CDH12: variants seen among roughly 807,000 people sequenced by gnomAD.
CDH12 encodes the protein cadherin-12.
In CDH12, 41 loss-of-function variants were observed where a neutral mutation model predicts 74.1. The observed-to-expected ratio is 0.55, with a 90% CI of 0.43 to 0.72. The LOEUF (loss-of-function observed/expected upper bound fraction) is 0.72. Ranked by LOEUF, CDH12 falls within the 30% of genes least tolerant of loss-of-function variation. The probability of loss-of-function intolerance (pLI) is 0.00; values close to 1 mark genes in which losing one functional copy is unlikely to be tolerated. For missense variants in CDH12, 945 were observed against 977.2 expected, an observed-to-expected ratio of 0.97 and a Z score of 0.44; for synonymous variants, 399 against 355.0, an observed-to-expected ratio of 1.12 and a Z score of -1.39.
chr5:22,273,348 C>T (rs1305842483), intron 3 of CDH12, among the ~76,000 whole-genome samples: 4 of 152,166 alleles, frequency 2.6e-5, no homozygotes, highest in Non-Finnish European at 5.9e-5. Flanking sequence ...GATAGGCCTG[C>T]TCAATGCAAG....
intron 6 of CDH12, among the ~76,000 whole-genome samples, chr5:21,906,375 C>T (rs1753643037): frequency 6.6e-6 from 1 of 152,042 alleles, no homozygotes; most frequent in Non-Finnish European, 1.5e-5. Context: ...TTGACACATA[C>T]TTTAGAATAT....
intron 5 of CDH12, among the ~76,000 whole-genome samples, chr5:22,014,127 TGAA>T (rs1269150828): frequency 2.0e-5 from 3 of 152,148 alleles, no homozygotes; most frequent in Non-Finnish European, 4.4e-5. Flanking sequence ...CTTGGGAGGC[TGAA>T]GAAGAAGAAT....
intron 1 of CDH12, among the ~76,000 whole-genome samples, chr5:22,749,382 T>G (rs1217672744): frequency 6.6e-6 from 1 of 152,232 alleles, no homozygotes; most frequent in East Asian, 1.9e-4. Context: ...CAACATTTTA[T>G]GTTTTGATGA....
chr5:22,140,046 C>G (rs1277293811), intron 4 of CDH12, among the ~76,000 whole-genome samples: 1 of 152,058 alleles, frequency 6.6e-6, no homozygotes, highest in East Asian at 1.9e-4. Context: ...AAACAAATCC[C>G]CGGAACTTTC....
intron 3 of CDH12, among the ~76,000 whole-genome samples, chr5:22,220,040 A>G (rs1751958364): frequency 6.6e-6 from 1 of 151,838 alleles, no homozygotes; most frequent in South Asian, 2.1e-4. Flanking sequence ...GTATATCACC[A>G]TTGTCTACAT....
chr5:22,372,908 G>A (rs1741359752), intron 3 of CDH12, among the ~76,000 whole-genome samples: 1 of 152,120 alleles, frequency 6.6e-6, no homozygotes, highest in African/African-American at 2.4e-5. Flanking sequence ...GGGCTGCTGT[G>A]GGATGGAGGC....
At chr5:21,935,169 T>C (rs1287287337) in intron 6 of CDH12, among the ~76,000 whole-genome samples, 2 of 152,170 alleles carry the variant, frequency 1.3e-5, no homozygotes. Flanking sequence ...CCAATCATAT[T>C]TGGATGGCTT....
At chr5:21,937,999 C>A (rs188018881) in intron 6 of CDH12, among the ~76,000 whole-genome samples, 1 of 152,290 alleles carries the variant, frequency 6.6e-6, no homozygotes, top group Admixed American at 6.5e-5. Context: ...ACTGCAGGAG[C>A]CTGTTGTTCA....
intron 4 of CDH12, among the ~76,000 whole-genome samples, chr5:22,105,383 A>G (rs1322289061): frequency 6.8e-6 from 1 of 147,172 alleles, no homozygotes; most frequent in African/African-American, 2.5e-5. Flanking sequence ...ATGAGCCACC[A>G]AGCCCAGCCT....
intron 1 of CDH12, among the ~76,000 whole-genome samples, chr5:22,797,183 T>TAAAAA (rs58951425): frequency 8.1e-5 from 7 of 86,254 alleles, no homozygotes; most frequent in African/African-American, 1.8e-4. Flanking sequence ...AGTGCCTTTA[T>TAAAAA]AAAAAAAAAA....
chr5:22,066,871 G>A (rs572343821), intron 5 of CDH12, among the ~76,000 whole-genome samples: 7 of 152,166 alleles, frequency 4.6e-5, no homozygotes, highest in Non-Finnish European at 1.0e-4. Context: ...ATTATCATAA[G>A]CTTAGTCAGG....
chr5:21,921,861 C>G (rs549893714), intron 6 of CDH12, among the ~76,000 whole-genome samples: 1 of 152,168 alleles, frequency 6.6e-6, no homozygotes, highest in South Asian at 2.1e-4. Context: ...TGCTGGCCTT[C>G]CCCTCCTTTG....
At chr5:22,485,783 C>T (rs916834900) in intron 2 of CDH12, among the ~76,000 whole-genome samples, 1 of 152,126 alleles carries the variant, frequency 6.6e-6, no homozygotes, top group African/African-American at 2.4e-5. Flanking sequence ...ACCTTAGCTA[C>T]AAGGGAGAAA....
intron 1 of CDH12, among the ~76,000 whole-genome samples, chr5:22,535,347 G>T (rs950318767): frequency 1.5e-4 from 22 of 151,566 alleles, no homozygotes; most frequent in South Asian, 6.2e-4. Flanking sequence ...TAGTAGAGAC[G>T]GGGTTTCACC....
At chr5:21,908,598 G>T (rs9293000) in intron 6 of CDH12, among the ~76,000 whole-genome samples, 3,390 of 152,168 alleles carry the variant, frequency 0.022, 138 homozygotes, top group African/African-American at 0.075. Flanking sequence ...AGCCTGTTTG[G>T]GTCATATCTC....
intron 6 of CDH12, among the ~76,000 whole-genome samples, chr5:21,901,559 C>T (rs1307244717): frequency 6.6e-6 from 1 of 152,182 alleles, no homozygotes; most frequent in African/African-American, 2.4e-5. Context: ...GGAACTACTG[C>T]TTCAATGCTT....
chr5:22,205,969 A>G (rs1329571977), intron 4 of CDH12, among the ~76,000 whole-genome samples: 1 of 151,968 alleles, frequency 6.6e-6, no homozygotes, highest in South Asian at 2.1e-4. Context: ...TAGATTAAAT[A>G]TACACACAAA....
intron 4 of CDH12, among the ~76,000 whole-genome samples, chr5:22,202,073 C>T (rs1019069115): frequency 3.7e-4 from 56 of 151,930 alleles, no homozygotes; most frequent in African/African-American, 1.3e-3. Flanking sequence ...GGTTTTGAGG[C>T]GAGATTAGGG....
Position 22,423,952 on chromosome 5 carries a change from G to A in CDH12, c.-427-18601C>T, listed in dbSNP as rs1432339395. On this transcript the variant is annotated intron_variant, in intron 2 of 14. Coordinates refer to ENST00000382254, the MANE Select transcript of CDH12 (RefSeq NM_004061.5). ...TGGGAGGCGGAGCTTGCAGTGAGCC[G>A]AGATCCCGCCACTGCACTCCAGCCT... Among the ~76,000 whole-genome samples, 153 of 128,760 alleles carry A rather than the reference G, an allele frequency of 1.2e-3. 1 individual carries two copies. The highest frequency in any genetic ancestry group is 4.5e-3 in the African/African-American group (148 of 33,148). The allele number at this position is 128,760 out of a possible 152,430, so 84.5% of individuals were successfully genotyped here. A position where few individuals can be genotyped will look rare whatever the true frequency, so the allele number is the denominator to read the frequency against.
Sources: gnomAD v4.1 joint callset for allele counts (sites outside exome capture counted in the v4.1 genomes callset) on GRCh38, gnomAD v4.1.1 for gene constraint, MANE v1.5 for transcripts, NCBI Gene and HGNC (gene_info 2026-07-23, HGNC 2026-07-21) for gene names.